The following COL26A1 variants were observed in gnomAD, a reference collection of about 807,000 sequenced individuals.
COL26A1 encodes the protein collagen alpha-1(XXVI) chain.
In COL26A1, 41 loss-of-function variants were observed where a neutral mutation model predicts 59.3. That is an observed-to-expected ratio of 0.69 (90% confidence interval 0.54 to 0.90). The LOEUF (loss-of-function observed/expected upper bound fraction) is 0.90, where lower values mean the gene tolerates loss of function less well. Among genes scored for constraint, COL26A1 ranks in the 40% least tolerant of loss-of-function variants. The pLI, the probability that COL26A1 is intolerant of heterozygous loss-of-function variation, is 0.00. For missense variants in COL26A1, 612 were observed against 602.3 expected (o/e 1.02, Z -0.17); for synonymous variants, 266 against 256.0 (o/e 1.04, Z -0.37).
chr7:101,540,728 G>A (rs1795597385), intron 5 of COL26A1, among the ~76,000 whole-genome samples: 1 of 151,956 alleles, frequency 6.6e-6, no homozygotes, highest in South Asian at 2.1e-4. Flanking sequence ...ATTAATCCCA[G>A]CTACTCCTAA....
At chr7:101,506,541 G>A (rs775911093) in intron 3 of COL26A1, among the ~76,000 whole-genome samples, 5 of 152,210 alleles carry the variant, frequency 3.3e-5, no homozygotes, top group Admixed American at 6.5e-5. Context: ...CGAGACCAGG[G>A]GTGAGCTGCA....
In COL26A1 at chr7:101,437,338, A is replaced by G. The variant is rs1313775317; in HGVS notation, c.282-10346A>G. Among the ~76,000 whole-genome samples, 4 of 151,776 alleles carry G rather than the reference A, an allele frequency of 2.6e-5. No individual in the cohort carries two copies. In the East Asian group the frequency reaches 7.7e-4, roughly 29 times the overall value. On this transcript the variant is annotated intron_variant, in intron 2 of 12. Coordinates refer to ENST00000313669, the MANE Select transcript of COL26A1 (RefSeq NM_001278563.3). ...GAGGCTGCATGACTTGGGCAGAGAC[A>G]GAGCACATGCACACAGGGCCAGTGG... is the stretch of plus-strand genomic sequence containing the variant.
intron 3 of COL26A1, among the ~76,000 whole-genome samples, chr7:101,488,469 G>A (rs1378667353): frequency 6.8e-6 from 1 of 147,708 alleles, no homozygotes; most frequent in African/African-American, 2.5e-5. Context: ...TCTGCTTCCT[G>A]GGTTCAAGTG....
intron 1 of COL26A1, among the ~76,000 whole-genome samples, chr7:101,418,250 C>G (rs1297386693): frequency 6.6e-6 from 1 of 152,104 alleles, no homozygotes; most frequent in Admixed American, 6.6e-5. Flanking sequence ...CCTAACCAAT[C>G]TCTCTGATGG....
At chr7:101,543,830 T>A (rs1187184024) in intron 5 of COL26A1, among the ~76,000 whole-genome samples, 168 bp from the exon 6 acceptor site, 1 of 152,200 alleles carries the variant, frequency 6.6e-6, no homozygotes, top group African/African-American at 2.4e-5. Flanking sequence ...GTTTGTAAGT[T>A]GTAATAACCA....
intron 3 of COL26A1, among the ~76,000 whole-genome samples, chr7:101,462,444 G>A (rs1259986979): frequency 6.6e-6 from 1 of 152,034 alleles, no homozygotes; most frequent in Non-Finnish European, 1.5e-5. Flanking sequence ...AGCCTCCTGA[G>A]TAGCTGGGAT....
chr7:101,524,225 G>A (rs1397098571), intron 3 of COL26A1, among the ~76,000 whole-genome samples: 1 of 151,436 alleles, frequency 6.6e-6, no homozygotes, highest in Admixed American at 6.6e-5. Flanking sequence ...GAGCTAAGAT[G>A]GCATCACTGC....
At chr7:101,453,933 G>T (rs1259784099) in intron 3 of COL26A1, among the ~76,000 whole-genome samples, 1 of 152,118 alleles carries the variant, frequency 6.6e-6, no homozygotes, top group African/African-American at 2.4e-5. Flanking sequence ...CTGTGGTTCA[G>T]TGGGGTTTCC....
intron 4 of COL26A1, among the ~76,000 whole-genome samples, chr7:101,536,602 G>C (rs1246158391): frequency 1.3e-5 from 2 of 152,262 alleles, no homozygotes; most frequent in Non-Finnish European, 2.9e-5. Flanking sequence ...CAGATGGCTT[G>C]CATAAAACAG....
chr7:101,368,055 G>A (rs1448693922), intron 1 of COL26A1, among the ~76,000 whole-genome samples: 2 of 152,024 alleles, frequency 1.3e-5, no homozygotes, highest in African/African-American at 4.8e-5. Flanking sequence ...CCTTTTTCAG[G>A]ATTTTGTTGG....
chr7:101,414,089 G>A (rs765431726), intron 1 of COL26A1, among the ~76,000 whole-genome samples: 5 of 152,154 alleles, frequency 3.3e-5, no homozygotes, highest in African/African-American at 1.2e-4. Flanking sequence ...GGATGCACAG[G>A]CTTTAGAGCT....
At position 101,378,681 on chromosome 7, in the gene COL26A1, A is replaced by G. The variant is rs116597849; in HGVS notation, c.158+15491A>G. Among the ~76,000 whole-genome samples, 911 of 151,986 alleles carry G rather than the reference A, an allele frequency of 6.0e-3. 13 individuals carry two copies. The highest frequency in any genetic ancestry group is 0.021 in the African/African-American group (879 of 41,426). The stretch of plus-strand genomic sequence containing the variant: ...CTCTGCATGTGTGTAAGCTGTTTGC[A>G]CTCATGACTGAGTGGTGGTTTGCAG... On this transcript the variant is annotated intron_variant, in intron 1 of 12. Coordinates refer to ENST00000313669, the MANE Select transcript of COL26A1 (RefSeq NM_001278563.3).
chr7:101,551,841 G>A (rs983280322), intron 10 of COL26A1, among the ~76,000 whole-genome samples: 1 of 152,186 alleles, frequency 6.6e-6, no homozygotes, highest in Non-Finnish European at 1.5e-5. Context: ...AGGGGTGTGG[G>A]GCGGGGAGGA....
chr7:101,415,786 T>G (rs1792357904), intron 1 of COL26A1, among the ~76,000 whole-genome samples: 1 of 152,000 alleles, frequency 6.6e-6, no homozygotes, highest in Non-Finnish European at 1.5e-5. Flanking sequence ...TGTGCCACCA[T>G]GCCTGGCTAA....
intron 5 of COL26A1, among the ~76,000 whole-genome samples, chr7:101,540,537 T>TAAAA (rs369850957): frequency 8.4e-6 from 1 of 119,128 alleles, no homozygotes; most frequent in African/African-American, 3.2e-5. Flanking sequence ...AAATTCCGTC[T>TAAAA]AAAAAAAAAA....
At chr7:101,475,904 T>TTCTC (rs1174004276) in intron 3 of COL26A1, among the ~76,000 whole-genome samples, 1 of 117,888 alleles carries the variant, frequency 8.5e-6, no homozygotes, top group East Asian at 2.1e-4. Flanking sequence ...TTCTCTCTCT[T>TTCTC]TCTCTCTCTC....
At chr7:101,500,061 A>G (rs1794669397) in intron 3 of COL26A1, among the ~76,000 whole-genome samples, 1 of 152,118 alleles carries the variant, frequency 6.6e-6, no homozygotes, top group African/African-American at 2.4e-5. Context: ...GTCTTGTTCT[A>G]TGGAATAAGC....
intron 3 of COL26A1, among the ~76,000 whole-genome samples, chr7:101,523,133 G>A (rs1795172601): frequency 2.0e-5 from 3 of 150,924 alleles, no homozygotes; most frequent in Non-Finnish European, 4.4e-5. Context: ...GCAATGGCAC[G>A]ATCTCGGCTC....
At chr7:101,387,164 C>T (rs1330766494) in intron 1 of COL26A1, among the ~76,000 whole-genome samples, 1 of 152,102 alleles carries the variant, frequency 6.6e-6, no homozygotes, top group Non-Finnish European at 1.5e-5. Context: ...TGCAAGCTGA[C>T]ACTCCCAAGA....
Sources: allele counts gnomAD v4.1 joint callset (sites outside exome capture counted in the v4.1 genomes callset), GRCh38; gene constraint gnomAD v4.1.1; transcripts MANE v1.5; gene names NCBI Gene and HGNC (gene_info 2026-07-23, HGNC 2026-07-21).